Variants in ADRA1D observed in about 807,000 individuals in gnomAD.
ADRA1D encodes the protein alpha-1D adrenergic receptor.
ADRA1D carries 22 observed loss-of-function variants against 18.6 expected under a neutral mutation model. The observed-to-expected ratio is 1.19, with a 90% CI of 0.85 to 1.69. ADRA1D has a LOEUF of 1.69. ADRA1D is among the 40% of genes most tolerant of loss of function. The pLI is 0.00. For synonymous variants in ADRA1D, 376 were observed against 388.2 expected, an observed-to-expected ratio of 0.97 and a Z score of 0.37; for missense variants, 840 against 840.7, an observed-to-expected ratio of 1.00 and a Z score of 0.01.
Position 4,221,758 on chromosome 20 carries a change from C to A in ADRA1D, c.1484G>T (p.Arg495Leu), listed in dbSNP as rs1389451016. ...GAACGGCCCCAGCAGCCTCCACTCG[C>A]GGAAGGCGCTGGGTGGCTTTCGACG... is the stretch of plus-strand genomic sequence containing the variant. ...ASRRKPPSAF[R>L]EWRLLGPFRR... The change falls in exon 2 of 2, where the codon CGC becomes CTC. Residue 495 changes from arginine to leucine, a missense_variant. Coordinates refer to ENST00000379453, the MANE Select transcript of ADRA1D (RefSeq NM_000678.4). 1.3e-6 allele frequency: 2 copies of A among 1,584,902 alleles called. No homozygotes were observed. The highest frequency in any genetic ancestry group is 1.1e-5 in the South Asian group (1 of 90,142).
At position 4,247,973 on chromosome 20, in the gene ADRA1D, A is replaced by T. The variant is rs1330943150; in HGVS notation, c.985T>A (p.Phe329Ile). The T allele has an allele frequency of 6.3e-7, 1 of 1,584,412 alleles. No homozygotes were observed. Among genetic ancestry groups the T allele is most frequent in the Non-Finnish European group, 8.6e-7 (1 of 1,166,204 alleles). Residue 329 changes from phenylalanine to isoleucine, a missense_variant, in exon 1 of 2, where the codon TTC (phenylalanine) becomes ATC (isoleucine). By Grantham distance (21) the Phe-to-Ile change is conservative. Coordinates refer to ENST00000379453, the MANE Select transcript of ADRA1D (RefSeq NM_000678.4). ...AGGCGCACGGAGAGCGAGCTGCGGA[A>T]GGTGTGGCCCTTGGCGCTGCGCATG... ...HGMRSAKGHT[F>I]RSSLSVRLLK...
Position 4,249,104 on chromosome 20 carries a change from C to T in ADRA1D, c.-147G>A, listed in dbSNP as rs1981443049. 3 of 634,894 alleles carry T rather than the reference C, an allele frequency of 4.7e-6. No individual in the cohort carries two copies. The highest frequency in any genetic ancestry group is 1.1e-4 in the South Asian group (2 of 18,260). The allele number at this position is 634,894 out of a possible 1,614,324, so 39.3% of individuals were successfully genotyped here. ...CTGCCCAAGTTCCTGTGACGCGGAG[C>T]GCGGCTGTCCGAGAGCGGAGCTGCC... On this transcript the variant is annotated 5_prime_UTR_variant, in exon 1 of 2. Transcript: ENST00000379453.
chr20:4,225,428 C>CTTTTTTTTTTTTTT (rs11474446), intron 1 of ADRA1D, among the ~76,000 whole-genome samples: 1 of 119,540 alleles, frequency 8.4e-6, no homozygotes, highest in Non-Finnish European at 1.7e-5. Flanking sequence ...TTTTTTCTTT[C>CTTTTTTTTTTTTTT]TTTTTTTTTT....
At position 4,248,816 on chromosome 20, in the gene ADRA1D, C is replaced by T; in HGVS notation, c.142G>A (p.Gly48Arg). Reference protein sequence around the residue: ...SEGPAVGGVPGGAGGGGGVVG... With the variant: ...SEGPAVGGVPRGAGGGGGVVG... ...ACGCCGCCGCCGCCGCCCGCGCCCC[C>T]CGGCACGCCGCCCACCGCCGGGCCC... Residue 48 changes from glycine to arginine, a missense_variant, in exon 1 of 2, where the codon GGG (glycine) becomes AGG (arginine). Coordinates refer to ENST00000379453, the MANE Select transcript of ADRA1D (RefSeq NM_000678.4). 2.8e-6 allele frequency: 3 copies of T among 1,055,656 alleles called. No individual in the cohort carries two copies. Among genetic ancestry groups the T allele is most frequent in the Non-Finnish European group, 3.4e-6 (3 of 877,930 alleles). The allele number at this position is 1,055,656 out of a possible 1,614,324, so 65.4% of individuals were successfully genotyped here.
chr20:4,233,383 C>T (rs556274198), intron 1 of ADRA1D, among the ~76,000 whole-genome samples: 15 of 152,056 alleles, frequency 9.9e-5, no homozygotes, highest in Non-Finnish European at 2.9e-5. Context: ...ATCACTTGAA[C>T]GTGGGAGGTT....
chr20:4,222,301 A>T lies in ADRA1D; in HGVS notation c.1112-171T>A. The T allele has an allele frequency of 1.1e-6, 1 of 899,906 alleles. No homozygotes were observed. Among genetic ancestry groups the T allele is most frequent in the Non-Finnish European group, 1.6e-6 (1 of 641,772 alleles). 55.7% of individuals were successfully genotyped at this position (899,906 alleles called of 1,614,324 possible). On this transcript the variant is annotated intron_variant, in intron 1 of 1. Coordinates refer to ENST00000379453, the MANE Select transcript of ADRA1D (RefSeq NM_000678.4). This position sits in a 1 kb window ranked among gnomAD's most constrained non-coding sequence, Gnocchi z 4.3. ...TCCATGAACTTGGATAGAGAAAAAT[A>T]ATAATTGTTTTCACTCACCTCTACC...
At chr20:4,229,438 G>A (rs1980903546) in intron 1 of ADRA1D, among the ~76,000 whole-genome samples, 1 of 152,096 alleles carries the variant, frequency 6.6e-6, no homozygotes, top group African/African-American at 2.4e-5. Context: ...GGGCGAGTGT[G>A]CTTGTGATAT....
intron 1 of ADRA1D, among the ~76,000 whole-genome samples, chr20:4,232,938 C>T (rs887005070): frequency 6.6e-6 from 1 of 152,222 alleles, no homozygotes; most frequent in African/African-American, 2.4e-5. Context: ...GCCTCAACCA[C>T]ACCCTGGCTT....
chr20:4,247,226 C>T (rs749624607), intron 1 of ADRA1D, among the ~76,000 whole-genome samples: 91 of 152,188 alleles, frequency 6.0e-4, no homozygotes, highest in Non-Finnish European at 1.2e-3. Flanking sequence ...ATGAACTTTC[C>T]ATTTGATAAT....
Position 4,221,545 on chromosome 20 carries a change from T to A in ADRA1D, c.1697A>T (p.Asn566Ile). Residue 566 changes from asparagine (N) to isoleucine (I), a missense_variant, in exon 2 of 2, where the codon AAC (asparagine) becomes ATC (isoleucine). Physicochemically the swap from Asn to Ile is moderately radical, Grantham distance 149. Transcript: ENST00000379453. Reference sequence around the variant, plus strand: ...TCCTTAAATATCGGTCTCCCGTAGGTTGCTGTAGTCGGCCAATTCGTAGGC... The same window carrying A: ...TCCTTAAATATCGGTCTCCCGTAGGATGCTGTAGTCGGCCAATTCGTAGGC... The part of the protein sequence containing the change: ...CQAYELADYS[N>I]LRETDI 1 of 1,611,480 alleles carries A rather than the reference T, an allele frequency of 6.2e-7. No homozygotes were observed. Among genetic ancestry groups the A allele is most frequent in the Non-Finnish European group, 8.5e-7 (1 of 1,178,148 alleles).
At chr20:4,228,831 T>C (rs958398770) in intron 1 of ADRA1D, among the ~76,000 whole-genome samples, 1 of 152,230 alleles carries the variant, frequency 6.6e-6, no homozygotes, top group African/African-American at 2.4e-5. Context: ...CCCACAAGCC[T>C]GCCTTGGTTA....
Position 4,222,329 on chromosome 20 carries a change from A to G in ADRA1D, c.1112-199T>C. 1 of 650,020 alleles carries G rather than the reference A, an allele frequency of 1.5e-6. No homozygotes were observed. The highest frequency in any genetic ancestry group is 3.5e-5 in the East Asian group (1 of 28,924). The allele number at this position is 650,020 out of a possible 1,614,324, so 40.3% of individuals were successfully genotyped here. On this transcript the variant is annotated intron_variant, in intron 1 of 1. Transcript: ENST00000379453. This position sits in a 1 kb window ranked among gnomAD's most constrained non-coding sequence, Gnocchi z 4.3. ...AATTGTTTTCACTCACCTCTACCTG[A>G]TATTGAGGATTACCTTCAATGAATG...
intron 1 of ADRA1D, among the ~76,000 whole-genome samples, chr20:4,227,003 T>G (rs1335553368): frequency 6.6e-6 from 1 of 152,192 alleles, no homozygotes; most frequent in Non-Finnish European, 1.5e-5. Context: ...GCCCACAGCC[T>G]CATGCAGGGA....
chr20:4,231,267 G>GTTA (rs58687402), intron 1 of ADRA1D, among the ~76,000 whole-genome samples: 31,416 of 138,678 alleles, frequency 0.23, 3,728 homozygotes, highest in East Asian at 0.3. Context: ...CTGGCTAATT[G>GTTA]TTATTATTAT....
rs11476310 is a variant in ADRA1D at position 4,237,657 on chromosome 20, A to ATT, written c.1111+10188_1111+10189dup. Among the ~76,000 whole-genome samples, 1,009 of 121,046 alleles carry ATT rather than the reference A, an allele frequency of 8.3e-3. 19 individuals are homozygous for ATT. Among genetic ancestry groups the ATT allele is most frequent in the African/African-American group, 0.029 (940 of 32,548 alleles). The allele number at this position is 121,046 out of a possible 152,430, so 79.4% of individuals were successfully genotyped here. ...TGTCCTAATCAAGACTAATGTCAGGATTTTTTTTTTTTTTTTTTTGAGATG... is the reference window on the plus strand; with the variant it reads ...TGTCCTAATCAAGACTAATGTCAGGATTTTTTTTTTTTTTTTTTTTTGAGATG... On this transcript the variant is annotated intron_variant, in intron 1 of 1. Coordinates refer to ENST00000379453, the MANE Select transcript of ADRA1D (RefSeq NM_000678.4).
intron 1 of ADRA1D, among the ~76,000 whole-genome samples, chr20:4,229,002 C>G (rs906669580): frequency 6.6e-6 from 1 of 152,214 alleles, no homozygotes; most frequent in Non-Finnish European, 1.5e-5. Flanking sequence ...AGACACTGCC[C>G]TCATCCTCCT....
intron 1 of ADRA1D, among the ~76,000 whole-genome samples, chr20:4,237,804 C>T (rs1157358987): frequency 1.3e-5 from 2 of 150,360 alleles, no homozygotes; most frequent in Non-Finnish European, 3.0e-5. Flanking sequence ...GCTGGGACTA[C>T]AGGCACATGC....
At chr20:4,223,857 T>C (rs1376890062) in intron 1 of ADRA1D, among the ~76,000 whole-genome samples, 1 of 152,108 alleles carries the variant, frequency 6.6e-6, no homozygotes, top group Non-Finnish European at 1.5e-5. Flanking sequence ...CAGTAGGTTA[T>C]ATGTATTAAA....
chr20:4,243,751 A>G (rs1369155883), intron 1 of ADRA1D, among the ~76,000 whole-genome samples: 1 of 152,144 alleles, frequency 6.6e-6, no homozygotes, highest in Non-Finnish European at 1.5e-5. Flanking sequence ...TGGGGGTCCC[A>G]GAGGAGCTGG....
Sources: gnomAD v4.1 joint callset for allele counts (sites outside exome capture counted in the v4.1 genomes callset) on GRCh38, gnomAD v4.1.1 for gene constraint, Gnocchi (gnomAD v3.1) non-coding constraint, MANE v1.5 for transcripts, NCBI Gene and HGNC (gene_info 2026-07-23, HGNC 2026-07-21) for gene names.